Variants in RBM5 observed in about 807,000 individuals in gnomAD.
RBM5 encodes the protein RNA binding motif protein 5.
RBM5 carries 15 observed loss-of-function variants against 124.6 expected under a neutral mutation model. That is an observed-to-expected ratio of 0.12 (90% CI 0.08 to 0.19). RBM5 has a LOEUF of 0.19. Ranked by LOEUF, RBM5 falls within the 10% of genes least tolerant of loss-of-function variation. The pLI, the probability that RBM5 is intolerant of heterozygous loss-of-function variation, is 1.00. For synonymous variants in RBM5, 337 were observed against 361.2 expected (o/e 0.93, Z 0.76); for missense variants, 580 against 1,026.5 (o/e 0.57, Z 5.94).
At chr3:50,111,489 G>C (rs1048845879) in intron 17 of RBM5, among the ~76,000 whole-genome samples, 2 of 152,062 alleles carry the variant, frequency 1.3e-5, no homozygotes, top group Admixed American at 6.5e-5. Context: ...CAATGCTCCT[G>C]CCTCAGCCTG....
intron 10 of RBM5, 28 bp from the exon 11 acceptor site, chr3:50,106,739 C>G (rs377613023): frequency 2.5e-5 from 37 of 1,491,334 alleles, no homozygotes; most frequent in Non-Finnish European, 3.5e-5. Context: ...TTGCATTACA[C>G]GTTTTTTTCC....
chr3:50,114,506 G>T (rs1196876924), intron 20 of RBM5: 4 of 464,662 alleles, frequency 8.6e-6, no homozygotes, highest in Non-Finnish European at 1.5e-5. Flanking sequence ...TGTGAGTGGA[G>T]AGTTTTAATG....
chr3:50,106,387 G>T (rs1161463749), intron 10 of RBM5, among the ~76,000 whole-genome samples: 3 of 151,938 alleles, frequency 2.0e-5, no homozygotes, highest in Non-Finnish European at 4.4e-5. Context: ...CTCCCAAAGT[G>T]CTGGGATTAC....
At chr3:50,092,005 G>A (rs1207734211) in intron 2 of RBM5, 38 bp from the exon 3 acceptor site, 1 of 1,601,192 alleles carries the variant, frequency 6.2e-7, no homozygotes, top group East Asian at 2.2e-5. Context: ...GGTACAAAAT[G>A]TGACTGACTT....
At chr3:50,107,201 A>T (rs2091049066) in intron 11 of RBM5, 2 of 623,746 alleles carry the variant, frequency 3.2e-6, no homozygotes, top group Non-Finnish European at 5.8e-6. Flanking sequence ...AATTTCATGT[A>T]TATAGTGCTT....
intron 24 of RBM5, chr3:50,118,059 A>C: frequency 3.8e-5 from 18 of 475,912 alleles, no homozygotes; most frequent in Middle Eastern, 5.8e-4. Flanking sequence ...CTTCAGAGGA[A>C]TACTTTGGGG....
At chr3:50,097,030 G>A (rs762674491) in intron 4 of RBM5, among the ~76,000 whole-genome samples, 2 of 152,078 alleles carry the variant, frequency 1.3e-5, no homozygotes, top group Non-Finnish European at 2.9e-5. Flanking sequence ...TGGCAGGAGA[G>A]GGATGAGTGG....
chr3:50,118,674 C>T lies in RBM5; in HGVS notation c.*218C>T. 1.5e-6 allele frequency: 1 copy of T among 657,116 alleles called. No homozygotes were observed. Among genetic ancestry groups the T allele is most frequent in the Non-Finnish European group, 2.6e-6 (1 of 389,760 alleles). 40.7% of individuals were successfully genotyped at this position (657,116 alleles called of 1,614,324 possible). A position where few individuals can be genotyped will look rare whatever the true frequency, so the allele number is the denominator to read the frequency against. ...TCCTTCCCGCCAGAGGGCTTGTGAA[C>T]AGACCGGAGAGGACAGTGGATTGTT... On this transcript the variant is annotated 3_prime_UTR_variant, in exon 25 of 25. Transcript: ENST00000347869.
intron 11 of RBM5, 39 bp downstream of exon 11, chr3:50,106,903 A>G: frequency 6.8e-7 from 1 of 1,468,218 alleles, no homozygotes; most frequent in Non-Finnish European, 9.5e-7. Flanking sequence ...ACTACTGCAT[A>G]TGCACATTTG....
chr3:50,110,971 TAC>T (rs1005220733), intron 17 of RBM5: 5 of 549,512 alleles, frequency 9.1e-6, no homozygotes, highest in Non-Finnish European at 1.6e-5. Flanking sequence ...AGGTATAATA[TAC>T]ACACAAAAAA....
At chr3:50,113,172 A>G in intron 17 of RBM5, 2 of 412,702 alleles carry the variant, frequency 4.8e-6, no homozygotes, top group East Asian at 4.4e-5. Context: ...AACTTTTTAA[A>G]GAAATCATAT....
intron 4 of RBM5, among the ~76,000 whole-genome samples, chr3:50,098,761 A>G (rs541487662): frequency 1.4e-3 from 211 of 151,928 alleles, no homozygotes; most frequent in Non-Finnish European, 1.1e-3. Flanking sequence ...AAATTTTTGT[A>G]TACAGATGGG....
At chr3:50,105,440 A>T in intron 9 of RBM5, 109 bp from the exon 10 acceptor site, 1 of 1,202,288 alleles carries the variant, frequency 8.3e-7, no homozygotes, top group Non-Finnish European at 1.2e-6. Flanking sequence ...TAGAAAATAC[A>T]CTAGGAATGT....
chr3:50,109,003 G>A (rs1023210999), intron 14 of RBM5, among the ~76,000 whole-genome samples: 1 of 152,150 alleles, frequency 6.6e-6, no homozygotes, highest in Admixed American at 6.6e-5. Flanking sequence ...TTTGTTTCAG[G>A]CTTTAAAAAG....
rs11554989 is a variant in RBM5 at position 50,117,163 on chromosome 3, C to T, written c.2184C>T (p.Ala728=). 2,231 of 1,614,154 alleles carry T rather than the reference C, an allele frequency of 1.4e-3. 28 individuals are homozygous for T. In the African/African-American group the frequency reaches 0.026, roughly 19 times the overall value. Residue 728 remains alanine, a synonymous_variant, in exon 23 of 25, where the codon GCC becomes GCT. Transcript: ENST00000347869. The surrounding 1 kb of genome is among the most constrained non-coding windows in gnomAD (Gnocchi z 4.2). The stretch of plus-strand genomic sequence containing the variant: ...CCAAGCGCAAGAAGCAGTTTGATGC[C>T]GGCACTGTGTATGTGATGTGCACAT... ...PEPKRKKQFD[A]GTVNYEQPTK...
chr3:50,107,976 G>C (rs1243150154), intron 12 of RBM5, 94 bp from the exon 13 acceptor site: 1 of 1,080,904 alleles, frequency 9.3e-7, no homozygotes, highest in Non-Finnish European at 1.4e-6. Flanking sequence ...GTGAGCCACA[G>C]CGCCCAGCAT....
intron 3 of RBM5, chr3:50,092,941 ATCTTT>A (rs1323870865): frequency 1.8e-5 from 2 of 109,968 alleles, no homozygotes; most frequent in Non-Finnish European, 3.5e-5. Context: ...ATCTTGATAT[ATCTTT>A]TTTTTTTTTT....
chr3:50,107,369 C>T (rs577314500), intron 11 of RBM5, 113 bp from the exon 12 acceptor site: 41 of 850,800 alleles, frequency 4.8e-5, no homozygotes, highest in East Asian at 2.5e-5. Context: ...GAAATGTGGC[C>T]TTGCTGGCAT....
intron 10 of RBM5, among the ~76,000 whole-genome samples, chr3:50,106,118 A>ATT (rs61297967): frequency 0.029 from 940 of 32,724 alleles, 192 homozygotes; most frequent in Middle Eastern, 0.05. Context: ...ACGCCCAGCT[A>ATT]TTTTTTTTTT....
Sources: allele counts gnomAD v4.1 joint callset (sites outside exome capture counted in the v4.1 genomes callset), GRCh38; gene constraint gnomAD v4.1.1; non-coding constraint Gnocchi (gnomAD v3.1); transcripts MANE v1.5; gene names NCBI Gene and HGNC (gene_info 2026-07-23, HGNC 2026-07-21).